The following LPXN variants were observed in gnomAD, a reference collection of about 807,000 sequenced individuals.
LPXN encodes leupaxin.
A neutral mutation model predicts 45.6 loss-of-function variants in LPXN; 28 were observed. That is an observed-to-expected ratio of 0.61 (90% CI 0.45 to 0.84). LPXN has a LOEUF of 0.84. Among genes scored for constraint, LPXN ranks in the 40% least tolerant of loss-of-function variants. The pLI is 0.00. For missense variants in LPXN, 459 were observed against 475.0 expected (o/e 0.97, Z 0.31); for synonymous variants, 166 against 169.9 (o/e 0.98, Z 0.18).
chr11:58,527,768 G>A (rs1853270560), intron 8 of LPXN, 45 bp from the exon 9 acceptor site: 1 of 1,567,824 alleles, frequency 6.4e-7, no homozygotes, highest in Non-Finnish European at 8.7e-7. Flanking sequence ...AATGTCAAGA[G>A]GTAAAATGTC....
chr11:58,578,139 A>C (rs1854964897), upstream of LPXN: 8 of 1,476,494 alleles, frequency 5.4e-6, no homozygotes, highest in Non-Finnish European at 7.3e-6. Flanking sequence ...AAGGTACGCC[A>C]ACGCCCAGAT....
intron 1 of LPXN, 29 bp downstream of exon 1, chr11:58,575,731 C>CA: frequency 3.7e-6 from 6 of 1,614,042 alleles, no homozygotes; most frequent in Non-Finnish European, 5.1e-6. Flanking sequence ...TTCACTCCCT[C>CA]AGAGTTTCTC....
chr11:58,550,217 T>G, intron 5 of LPXN, 71 bp from the exon 6 acceptor site: 8 of 1,399,946 alleles, frequency 5.7e-6, no homozygotes, highest in Non-Finnish European at 8.1e-6. Context: ...TGCACAACTC[T>G]AGGGAGCACT....
At chr11:58,536,892 T>C (rs926518381) in intron 7 of LPXN, among the ~76,000 whole-genome samples, 2 of 148,986 alleles carry the variant, frequency 1.3e-5, no homozygotes, top group African/African-American at 4.9e-5. Flanking sequence ...ATGTAGCCAA[T>C]AAACATATGA....
At chr11:58,576,046 A>T (rs1008228516), upstream of LPXN, 1 of 723,072 alleles carries the variant, frequency 1.4e-6, no homozygotes, top group Non-Finnish European at 1.7e-6. Flanking sequence ...GGTGATAAAG[A>T]TTCAAAATTA....
chr11:58,551,251 C>G lies in LPXN; in HGVS notation c.319-19G>C. Reference sequence around the variant, plus strand: ...CTGCAACCTGGCCCAAGGGAAGAACCAAGAACAGAATCAGCCTCATTTTTA... The same window carrying G: ...CTGCAACCTGGCCCAAGGGAAGAACGAAGAACAGAATCAGCCTCATTTTTA... On this transcript the variant is annotated intron_variant, in intron 4 of 8. Transcript: ENST00000395074. The G allele has an allele frequency of 6.3e-7, 1 of 1,584,104 alleles. No individual in the cohort carries two copies. The highest frequency in any genetic ancestry group is 8.6e-7 in the Non-Finnish European group (1 of 1,166,632).
intron 5 of LPXN, among the ~76,000 whole-genome samples, 185 bp from the exon 6 acceptor site, chr11:58,550,331 T>C (rs1335453724): frequency 6.6e-6 from 1 of 152,208 alleles, no homozygotes; most frequent in Non-Finnish European, 1.5e-5. Context: ...GCTTTATGGA[T>C]TGATAATAAA....
upstream of LPXN, chr11:58,578,345 C>G (rs554451208): frequency 7.5e-5 from 18 of 241,584 alleles, no homozygotes; most frequent in African/African-American, 3.7e-4. Flanking sequence ...TCCTCTCCAC[C>G]TCTGGTTTCC....
chr11:58,567,693 C>T (rs1225033284), intron 2 of LPXN, among the ~76,000 whole-genome samples: 1 of 152,208 alleles, frequency 6.6e-6, no homozygotes, highest in Non-Finnish European at 1.5e-5. Flanking sequence ...TTTGTACCTT[C>T]TGGTTTTCAA....
At chr11:58,529,407 G>A (rs758686114) in intron 7 of LPXN, among the ~76,000 whole-genome samples, 8 of 151,986 alleles carry the variant, frequency 5.3e-5, no homozygotes, top group Non-Finnish European at 1.0e-4. Flanking sequence ...TCAGGAGATC[G>A]AGACCATCCT....
At chr11:58,552,503 C>T (rs1266741411) in intron 4 of LPXN, among the ~76,000 whole-genome samples, 1 of 152,166 alleles carries the variant, frequency 6.6e-6, no homozygotes, top group African/African-American at 2.4e-5. Flanking sequence ...TCAAAGCCTC[C>T]CATCCACTGT....
chr11:58,567,000 CTGTGTGTG>C (rs147936650), intron 2 of LPXN, among the ~76,000 whole-genome samples: 1 of 149,240 alleles, frequency 6.7e-6, no homozygotes, highest in African/African-American at 2.5e-5. Flanking sequence ...CTTATAAAAT[CTGTGTGTG>C]TGTGTGTGTG....
At chr11:58,536,274 A>T (rs1565186083) in intron 7 of LPXN, among the ~76,000 whole-genome samples, 1 of 152,256 alleles carries the variant, frequency 6.6e-6, no homozygotes, top group Non-Finnish European at 1.5e-5. Flanking sequence ...ACAAGGCTAC[A>T]GTAACAAAAA....
chr11:58,529,906 T>A (rs998974286), intron 7 of LPXN, among the ~76,000 whole-genome samples: 1 of 151,798 alleles, frequency 6.6e-6, no homozygotes, highest in Admixed American at 6.6e-5. Context: ...AAGGGTGGGG[T>A]GTTGCCTCAC....
chr11:58,577,713 T>G (rs893421692), upstream of LPXN, among the ~76,000 whole-genome samples: 1 of 151,732 alleles, frequency 6.6e-6, no homozygotes, highest in African/African-American at 2.4e-5. Flanking sequence ...CAGAAGCAGA[T>G]GGCTTCCGGC....
rs561731889 is a variant in LPXN, at chr11:58,540,938, G to A, written c.742+8848C>T. Among the ~76,000 whole-genome samples the A allele has an allele frequency of 3.3e-5, 5 of 152,192 alleles. 1 individual carries two copies. In the South Asian group the frequency reaches 1.0e-3, roughly 32 times the overall value. On this transcript the variant is annotated intron_variant, in intron 7 of 8. Transcript: ENST00000395074. ...AAACCTGACAAAAACAAGCAATGGG[G>A]AAGGATTCCCCATTTAATAAATGGT...
intron 3 of LPXN, among the ~76,000 whole-genome samples, chr11:58,556,155 T>C (rs1320458094): frequency 6.6e-6 from 1 of 152,070 alleles, no homozygotes; most frequent in Non-Finnish European, 1.5e-5. Flanking sequence ...ATGTGTTTTT[T>C]TTAAAAAACA....
At chr11:58,577,067 C>T (rs1854913387), upstream of LPXN, among the ~76,000 whole-genome samples, 1 of 151,880 alleles carries the variant, frequency 6.6e-6, no homozygotes, top group African/African-American at 2.4e-5. Flanking sequence ...GCTGGGATTC[C>T]GGGGGTGAGC....
At chr11:58,546,784 C>T (rs1197501404) in intron 7 of LPXN, among the ~76,000 whole-genome samples, 1 of 152,010 alleles carries the variant, frequency 6.6e-6, no homozygotes, top group East Asian at 1.9e-4. Context: ...ATGTAAGGCA[C>T]CAAGATGTAA....
Sources: gnomAD v4.1 joint callset for allele counts (sites outside exome capture counted in the v4.1 genomes callset) on GRCh38, gnomAD v4.1.1 for gene constraint, MANE v1.5 for transcripts, NCBI Gene and HGNC (gene_info 2026-07-23, HGNC 2026-07-21) for gene names.